NAV3: variants seen among roughly 807,000 people sequenced by gnomAD.
NAV3 encodes the protein neuron navigator 3, also known as pore membrane and/or filament interacting like protein 1.
A neutral mutation model predicts 244.7 loss-of-function variants in NAV3; 87 were observed. That is an observed-to-expected ratio of 0.36 (90% CI 0.30 to 0.42). The LOEUF (loss-of-function observed/expected upper bound fraction) is 0.42, where lower values mean the gene tolerates loss of function less well. Ranked by LOEUF, NAV3 falls within the 20% of genes least tolerant of loss-of-function variation. The probability of loss-of-function intolerance (pLI) is 1.00; values close to 1 mark genes in which losing one functional copy is unlikely to be tolerated. For missense variants in NAV3, 2,663 were observed against 2,893.3 expected (o/e 0.92, Z 1.83); for synonymous variants, 1,126 against 1,042.2 (o/e 1.08, Z -1.55).
intron 2 of NAV3, among the ~76,000 whole-genome samples, chr12:77,607,438 G>C (rs753250229): frequency 6.6e-6 from 1 of 152,040 alleles, no homozygotes; most frequent in Non-Finnish European, 1.5e-5. Context: ...AAAATAAAGG[G>C]AATCAAAATT....
chr12:78,099,461 G>A (rs1954429369), intron 12 of NAV3, among the ~76,000 whole-genome samples: 1 of 151,700 alleles, frequency 6.6e-6, no homozygotes, highest in African/African-American at 2.4e-5. Flanking sequence ...GAATACAGAT[G>A]ATTTACTTTG....
chr12:78,106,139 G>C lies in NAV3; in HGVS notation c.2637-10633G>C, dbSNP rs577638827. On this transcript the variant is annotated intron_variant, in intron 12 of 39. Coordinates refer to ENST00000397909, the MANE Select transcript of NAV3 (RefSeq NM_001024383.2). ...AGATTAGCAAAGAAAAAGTATAATT[G>C]CCTTTTTTTATAGTTGACATGAACA... 2.2e-4 allele frequency among the ~76,000 whole-genome samples: 34 copies of C among 151,750 alleles called. No individual in the cohort carries two copies. In the South Asian group the frequency reaches 7.1e-3, roughly 32 times the overall value.
chr12:77,706,077 A>G (rs1210489375), intron 2 of NAV3, among the ~76,000 whole-genome samples: 1 of 151,526 alleles, frequency 6.6e-6, no homozygotes, highest in Middle Eastern at 3.5e-3. Flanking sequence ...AAGAGAGGAA[A>G]GTTATTAAAC....
chr12:77,682,834 A>G (rs373021719), intron 2 of NAV3, among the ~76,000 whole-genome samples: 4 of 152,052 alleles, frequency 2.6e-5, no homozygotes, highest in African/African-American at 9.7e-5. Context: ...GGTCCTTCAC[A>G]CATTTTTTTA....
intron 2 of NAV3, among the ~76,000 whole-genome samples, chr12:77,712,861 T>G (rs541430604): frequency 8.5e-5 from 13 of 152,302 alleles, no homozygotes; most frequent in African/African-American, 3.1e-4. Flanking sequence ...GGAGATCACT[T>G]AAGATTACAT....
chr12:77,870,918 T>G (rs1226862069), intron 1 of NAV3, among the ~76,000 whole-genome samples: 1 of 152,220 alleles, frequency 6.6e-6, no homozygotes, highest in Non-Finnish European at 1.5e-5. Context: ...GTTCTATCCT[T>G]AAAGTTTTCC....
At chr12:77,602,449 G>A (rs149545328) in intron 2 of NAV3, among the ~76,000 whole-genome samples, 1 of 152,078 alleles carries the variant, frequency 6.6e-6, no homozygotes, top group East Asian at 1.9e-4. Context: ...CCAATAGGTT[G>A]TTTGAAAAAG....
In NAV3 at chr12:78,119,503, G is replaced by A. The variant is rs1955573094; in HGVS notation, c.3307G>A (p.Gly1103Ser). The change falls in exon 15 of 40, where the codon GGC becomes AGC. Residue 1103 changes from glycine to serine, a missense_variant. Gly to Ser is a moderately conservative substitution (Grantham distance 56). Coordinates refer to ENST00000397909, the MANE Select transcript of NAV3 (RefSeq NM_001024383.2). ...LGKIPKSAAI[G>S]GKSNAGRKTS... ...TAAAATTCCAAAATCTGCTGCCATT[G>A]GCGGGAAGTCAAATGCAGGGAGAAA... 1 of 1,614,072 alleles carries A rather than the reference G, an allele frequency of 6.2e-7. No homozygotes were observed. Among genetic ancestry groups the A allele is most frequent in the African/African-American group, 1.3e-5 (1 of 74,936 alleles).
chr12:78,123,466 C>T (rs1251619748), intron 16 of NAV3, among the ~76,000 whole-genome samples: 1 of 152,064 alleles, frequency 6.6e-6, no homozygotes, highest in Non-Finnish European at 1.5e-5. Flanking sequence ...TAGACACTCT[C>T]TGCATTACGC....
At chr12:77,985,330 C>T (rs1038155561) in intron 5 of NAV3, among the ~76,000 whole-genome samples, 17 of 152,114 alleles carry the variant, frequency 1.1e-4, no homozygotes, top group East Asian at 5.8e-4. Context: ...GTCAGAATAA[C>T]GAGAACACTG....
chr12:77,620,676 G>A (rs1871333496), intron 2 of NAV3, among the ~76,000 whole-genome samples: 1 of 152,022 alleles, frequency 6.6e-6, no homozygotes, highest in African/African-American at 2.4e-5. Flanking sequence ...TGTCCAGGCT[G>A]GTCTTGAACG....
intron 2 of NAV3, among the ~76,000 whole-genome samples, chr12:77,753,483 T>C (rs552064063): frequency 1.3e-5 from 2 of 152,332 alleles, no homozygotes; most frequent in East Asian, 1.9e-4. Flanking sequence ...TGACAGCTTC[T>C]TGGATGCAGC....
chr12:77,635,227 CA>C (rs147153486), intron 2 of NAV3, among the ~76,000 whole-genome samples: 11,459 of 142,074 alleles, frequency 0.081, 1,271 homozygotes, highest in African/African-American at 0.26. Context: ...GATTCTGTCT[CA>C]AAAAAAAAAA....
intron 2 of NAV3, among the ~76,000 whole-genome samples, chr12:77,679,625 G>A (rs148876451): frequency 6.6e-6 from 1 of 152,166 alleles, no homozygotes; most frequent in Non-Finnish European, 1.5e-5. Context: ...CAAGGATGCA[G>A]AGTATGAAAA....
intron 9 of NAV3, among the ~76,000 whole-genome samples, chr12:78,040,060 G>T (rs547394063): frequency 6.6e-6 from 1 of 152,016 alleles, no homozygotes; most frequent in Non-Finnish European, 1.5e-5. Context: ...TTTATATTTA[G>T]ACTTTGCAAT....
intron 12 of NAV3, among the ~76,000 whole-genome samples, chr12:78,115,144 T>C (rs2138481087): frequency 6.6e-6 from 1 of 152,320 alleles, no homozygotes; most frequent in Non-Finnish European, 1.5e-5. Flanking sequence ...TTGTAGTTTG[T>C]GCTTTCATGA....
chr12:77,939,824 A>G (rs1889691026), intron 1 of NAV3, among the ~76,000 whole-genome samples: 1 of 152,196 alleles, frequency 6.6e-6, no homozygotes, highest in Admixed American at 6.6e-5. Context: ...TTAGACAGGA[A>G]GGTATTTGTA....
chr12:78,126,662 T>C lies in NAV3; in HGVS notation c.4239-505T>C, dbSNP rs563145911. 2.1e-4 allele frequency among the ~76,000 whole-genome samples: 32 copies of C among 152,338 alleles called. 1 individual carries two copies. The South Asian group carries it at 5.2e-3, about 25-fold the overall frequency. On this transcript the variant is annotated intron_variant, in intron 16 of 39. Coordinates refer to ENST00000397909, the MANE Select transcript of NAV3 (RefSeq NM_001024383.2). ...CAATTAAGTTTTAAGCAAACATTCA[T>C]ATATCTTTCTTCACATGTATAAATG...
intron 2 of NAV3, among the ~76,000 whole-genome samples, chr12:77,806,452 C>T (rs1871985805): frequency 6.6e-6 from 1 of 152,182 alleles, no homozygotes; most frequent in Non-Finnish European, 1.5e-5. Flanking sequence ...GCAGGTTGTT[C>T]AGTTTCCACA....
Sources: allele counts gnomAD v4.1 joint callset (sites outside exome capture counted in the v4.1 genomes callset), GRCh38; gene constraint gnomAD v4.1.1; transcripts MANE v1.5; gene names NCBI Gene and HGNC (gene_info 2026-07-23, HGNC 2026-07-21).